MEGF11: variants seen among roughly 807,000 people sequenced by gnomAD.
MEGF11 encodes the protein multiple epidermal growth factor-like domains protein 11.
Under a neutral mutation model 146.6 loss-of-function variants are expected in MEGF11, and 126 were observed. The ratio of observed to expected loss-of-function variants is 0.86; its 90% CI spans 0.74 to 1.00. MEGF11 has a LOEUF of 1.00. MEGF11 is among the 50% of genes least tolerant of loss of function. MEGF11 has a pLI of 0.00. For missense variants in MEGF11, 1,509 were observed against 1,521.2 expected, an observed-to-expected ratio of 0.99 and a Z score of 0.13; for synonymous variants, 532 against 583.4, an observed-to-expected ratio of 0.91 and a Z score of 1.27.
intron 1 of MEGF11, among the ~76,000 whole-genome samples, chr15:66,183,286 G>A (rs1182325689): frequency 6.6e-6 from 1 of 152,090 alleles, no homozygotes; most frequent in Middle Eastern, 3.2e-3. Flanking sequence ...GATCGCCCAT[G>A]GTCAGGAGTT....
At chr15:66,217,540 AGAG>A (rs1347054912) in intron 1 of MEGF11, among the ~76,000 whole-genome samples, 1 of 152,246 alleles carries the variant, frequency 6.6e-6, no homozygotes, top group Non-Finnish European at 1.5e-5. Flanking sequence ...CTTTCTTTGT[AGAG>A]GTGGCCAACA....
chr15:66,059,624 C>T (rs753493891), intron 5 of MEGF11, among the ~76,000 whole-genome samples: 1 of 151,926 alleles, frequency 6.6e-6, no homozygotes, highest in Non-Finnish European at 1.5e-5. Context: ...AACCAGTTGC[C>T]CCAGGTTCTT....
intron 1 of MEGF11, among the ~76,000 whole-genome samples, chr15:66,252,235 C>T (rs1380675076): frequency 1.3e-5 from 2 of 150,592 alleles, no homozygotes; most frequent in Non-Finnish European, 3.0e-5. Context: ...CCCCCCACCC[C>T]CCACCCCCCA....
chr15:66,023,920 G>T (rs1332599982), intron 5 of MEGF11, among the ~76,000 whole-genome samples: 1 of 152,216 alleles, frequency 6.6e-6, no homozygotes, highest in East Asian at 1.9e-4. Flanking sequence ...AAGGCTGCAG[G>T]GGGAGGGGAG....
chr15:66,241,264 T>C (rs1352458213), intron 1 of MEGF11, among the ~76,000 whole-genome samples: 2 of 152,148 alleles, frequency 1.3e-5, no homozygotes, highest in Non-Finnish European at 2.9e-5. Context: ...GGAGGGGCAG[T>C]GGACCAGGAG....
intron 5 of MEGF11, among the ~76,000 whole-genome samples, chr15:66,010,831 G>A (rs1420930857): frequency 1.3e-5 from 2 of 152,224 alleles, no homozygotes; most frequent in Non-Finnish European, 2.9e-5. Context: ...CTGGGCTCCA[G>A]TCCATGTGGG....
At chr15:66,236,048 G>A (rs1447123504) in intron 1 of MEGF11, among the ~76,000 whole-genome samples, 1 of 152,214 alleles carries the variant, frequency 6.6e-6, no homozygotes, top group Non-Finnish European at 1.5e-5. Context: ...CCAGAGGGAG[G>A]GGAGTTCAGG....
chr15:66,010,057 A>G (rs1384531360), intron 5 of MEGF11, among the ~76,000 whole-genome samples: 1 of 152,080 alleles, frequency 6.6e-6, no homozygotes, highest in Non-Finnish European at 1.5e-5. Context: ...ACAAACCAGC[A>G]TAATCCAATA....
At chr15:66,219,133 CAT>C (rs1245235913) in intron 1 of MEGF11, among the ~76,000 whole-genome samples, 1 of 151,902 alleles carries the variant, frequency 6.6e-6, no homozygotes, top group East Asian at 1.9e-4. Flanking sequence ...TAGAAGAAAA[CAT>C]AGAAGAATAT....
intron 1 of MEGF11, among the ~76,000 whole-genome samples, chr15:66,218,544 G>C (rs1036173640): frequency 6.6e-6 from 1 of 152,194 alleles, no homozygotes; most frequent in African/African-American, 2.4e-5. Context: ...GGAGTTTCAT[G>C]TGGAGATGGA....
chr15:66,020,793 C>A (rs777347377), intron 5 of MEGF11, among the ~76,000 whole-genome samples: 1 of 152,002 alleles, frequency 6.6e-6, no homozygotes, highest in East Asian at 1.9e-4. Flanking sequence ...GAGAGCGAGA[C>A]CATCTTGGCT....
intron 9 of MEGF11, among the ~76,000 whole-genome samples, chr15:65,963,741 T>C (rs2080954820): frequency 6.6e-6 from 1 of 152,208 alleles, no homozygotes; most frequent in Non-Finnish European, 1.5e-5. Flanking sequence ...GGACAGTCTC[T>C]TTCCCGGGCC....
intron 1 of MEGF11, among the ~76,000 whole-genome samples, chr15:66,232,826 C>T (rs72746236): frequency 0.11 from 16,763 of 152,186 alleles, 1,152 homozygotes; most frequent in African/African-American, 0.19. Flanking sequence ...TTACTTAACT[C>T]ACCCAACAAC....
At chr15:65,960,017 A>C (rs2080801199) in intron 9 of MEGF11, among the ~76,000 whole-genome samples, 1 of 152,252 alleles carries the variant, frequency 6.6e-6, no homozygotes, top group South Asian at 2.1e-4. Context: ...TGTTTCTCAA[A>C]ATGTTTAATG....
At chr15:66,090,004 C>G (rs977365887) in intron 5 of MEGF11, among the ~76,000 whole-genome samples, 1 of 152,214 alleles carries the variant, frequency 6.6e-6, no homozygotes, top group Non-Finnish European at 1.5e-5. Context: ...GTCCATCTAA[C>G]AGCCCAGAAT....
chr15:66,092,845 G>T (rs1332970826), intron 5 of MEGF11, among the ~76,000 whole-genome samples: 1 of 152,298 alleles, frequency 6.6e-6, no homozygotes, highest in South Asian at 2.1e-4. Context: ...GCAGCAGCAG[G>T]CAGACCCATC....
Position 65,898,918 on chromosome 15 carries a change from G to A in MEGF11, c.3072C>T (p.Ser1024=), listed in dbSNP as rs775018900. 9 of 1,613,788 alleles carry A rather than the reference G, an allele frequency of 5.6e-6. No homozygotes were observed. The highest frequency in any genetic ancestry group is 1.6e-4 in the Middle Eastern group (1 of 6,062). ...AGGAACAAGTACTAGAACTGCACAC[G>A]GATTCTTTCATGTAATCTGCAAGGC... ...DKGFKDYMKE[S]VCSSSTCSLN... is the part of the protein sequence containing the mutation. Residue 1024 remains serine (S), a synonymous_variant, in exon 25 of 26, where the codon TCC becomes TCT. Transcript: ENST00000395614.
intron 1 of MEGF11, among the ~76,000 whole-genome samples, chr15:66,222,528 C>T (rs529664381): frequency 6.6e-6 from 1 of 152,156 alleles, no homozygotes; most frequent in Non-Finnish European, 1.5e-5. Context: ...GTCTTGTGTT[C>T]GTCTCCCGCA....
intron 5 of MEGF11, among the ~76,000 whole-genome samples, chr15:65,996,420 C>T (rs150381246): frequency 3.3e-4 from 50 of 152,176 alleles, no homozygotes; most frequent in African/African-American, 1.2e-3. Context: ...GTGCAATGAA[C>T]TTGCCCTTTA....
Sources: allele counts gnomAD v4.1 joint callset (sites outside exome capture counted in the v4.1 genomes callset), GRCh38; gene constraint gnomAD v4.1.1; transcripts MANE v1.5; gene names NCBI Gene and HGNC (gene_info 2026-07-23, HGNC 2026-07-21).